Variants in LOC128462377 observed in about 807,000 individuals in gnomAD.
the LOC128462377 span, among the ~76,000 whole-genome samples, chr16:89,317,300 A>C: frequency 6.6e-6 from 1 of 152,186 alleles, no homozygotes; most frequent in African/African-American, 2.4e-5. Context: ...AGGAGAACAG[A>C]GAAGGGTCAA....
At chr16:89,378,610 G>C in the LOC128462377 span, among the ~76,000 whole-genome samples, 3,163 of 152,306 alleles carry the variant, frequency 0.021, 125 homozygotes, top group African/African-American at 0.073. Context: ...AGCATGACTA[G>C]CAAGTGCTCA....
the LOC128462377 span, among the ~76,000 whole-genome samples, chr16:89,318,088 A>T: frequency 4.6e-5 from 7 of 152,180 alleles, no homozygotes; most frequent in Non-Finnish European, 8.8e-5. Flanking sequence ...GCCTTCCCCG[A>T]GCCCCTGCTT....
the LOC128462377 span, chr16:89,324,145 CCT>C: frequency 2.6e-5 from 25 of 974,316 alleles, no homozygotes; most frequent in East Asian, 3.3e-4. Context: ...CTACTGCAGC[CCT>C]GTTTCCACTC....
At chr16:89,344,734 C>A in the LOC128462377 span, among the ~76,000 whole-genome samples, 1 of 147,500 alleles carries the variant, frequency 6.8e-6, no homozygotes, top group African/African-American at 2.7e-5. Flanking sequence ...CACGAGGGCA[C>A]GGGAGCACAG....
the LOC128462377 span, among the ~76,000 whole-genome samples, chr16:89,371,197 C>T: frequency 1.3e-5 from 2 of 152,120 alleles, no homozygotes; most frequent in Non-Finnish European, 2.9e-5. Flanking sequence ...AAAGATGCAA[C>T]GACTCTCACT....
chr16:89,403,445 TTTCTC>T, the LOC128462377 span, among the ~76,000 whole-genome samples: 1 of 151,820 alleles, frequency 6.6e-6, no homozygotes, highest in Admixed American at 6.6e-5. Context: ...CCCGAGGAAG[TTTCTC>T]AGTAAGCGAG....
chr16:89,335,525 C>T, the LOC128462377 span, among the ~76,000 whole-genome samples: 1 of 152,168 alleles, frequency 6.6e-6, no homozygotes, highest in Non-Finnish European at 1.5e-5. Context: ...AACGCTATAC[C>T]ACTCCCATGA....
chr16:89,342,380 A>C, the LOC128462377 span, among the ~76,000 whole-genome samples: 1 of 152,196 alleles, frequency 6.6e-6, no homozygotes, highest in African/African-American at 2.4e-5. Context: ...CTCCCCAGAG[A>C]TGTTGAGGCC....
chr16:89,379,095 C>T, the LOC128462377 span, among the ~76,000 whole-genome samples: 7 of 152,200 alleles, frequency 4.6e-5, no homozygotes, highest in Admixed American at 2.6e-4. Flanking sequence ...GTCGGCAGTG[C>T]GGACCAGCCC....
chr16:89,322,870 A>G, the LOC128462377 span, among the ~76,000 whole-genome samples: 1 of 152,024 alleles, frequency 6.6e-6, no homozygotes, highest in Non-Finnish European at 1.5e-5. Context: ...TGTTTGTTTG[A>G]GACAGCTGTG....
chr16:89,358,899 C>T, the LOC128462377 span, among the ~76,000 whole-genome samples: 2 of 152,114 alleles, frequency 1.3e-5, no homozygotes, highest in South Asian at 2.1e-4. Context: ...GATCATGGCT[C>T]ACCACAGCCT....
chr16:89,337,034 A>AAC, the LOC128462377 span, among the ~76,000 whole-genome samples: 1 of 145,890 alleles, frequency 6.9e-6, no homozygotes. Flanking sequence ...AAAAAAAAAA[A>AAC]AATTAGCCAG....
At chr16:89,394,028 G>A in the LOC128462377 span, among the ~76,000 whole-genome samples, 7 of 152,288 alleles carry the variant, frequency 4.6e-5, no homozygotes, top group East Asian at 3.9e-4. Flanking sequence ...TTTGCTGACT[G>A]CAACACAGCG....
the LOC128462377 span, among the ~76,000 whole-genome samples, chr16:89,342,959 G>C: frequency 6.6e-6 from 1 of 152,154 alleles, no homozygotes; most frequent in Non-Finnish European, 1.5e-5. Context: ...TCATAATTCC[G>C]AATTTGGGAT....
At chr16:89,319,916 C>A in the LOC128462377 span, 1 of 152,596 alleles carries the variant, frequency 6.6e-6, no homozygotes, top group Admixed American at 6.5e-5. Flanking sequence ...GCCTCTGGCA[C>A]CTTTGGCCCC....
chr16:89,396,194 A>G, the LOC128462377 span: 8 of 152,240 alleles, frequency 5.3e-5, no homozygotes, highest in African/African-American at 1.7e-4. Context: ...TGAAGAACTA[A>G]AAGTCTCCCT....
At chr16:89,377,857 T>G in the LOC128462377 span, among the ~76,000 whole-genome samples, 4 of 152,058 alleles carry the variant, frequency 2.6e-5, no homozygotes, top group Admixed American at 2.0e-4. Flanking sequence ...CTTCTACCTC[T>G]TCCACCCCCG....
the LOC128462377 span, among the ~76,000 whole-genome samples, chr16:89,396,958 G>A: frequency 5.3e-5 from 8 of 151,690 alleles, no homozygotes; most frequent in Admixed American, 5.2e-4. Flanking sequence ...GAGCACTGGT[G>A]GGATTATAGG....
chr16:89,401,357 C>A, the LOC128462377 span, among the ~76,000 whole-genome samples: 1 of 151,800 alleles, frequency 6.6e-6, no homozygotes, highest in African/African-American at 2.4e-5. Flanking sequence ...GATTACAGCA[C>A]GAGCCACTGC....
Sources: gnomAD v4.1 joint callset for allele counts (sites outside exome capture counted in the v4.1 genomes callset) on GRCh38, gnomAD v4.1.1 for gene constraint, MANE v1.5 for transcripts.